The following OSBPL11 variants were observed in gnomAD, a reference collection of about 807,000 sequenced individuals.
OSBPL11 encodes oxysterol binding protein like 11, also known as oxysterol-binding protein-related protein 11.
Under a neutral mutation model 84.4 loss-of-function variants are expected in OSBPL11, and 33 were observed. The ratio of observed to expected loss-of-function variants is 0.39; its 90% CI spans 0.30 to 0.52. OSBPL11 has a LOEUF of 0.52. Among genes scored for constraint, OSBPL11 ranks in the 20% least tolerant of loss-of-function variants. The pLI, the probability that OSBPL11 is intolerant of heterozygous loss-of-function variation, is 0.72. For missense variants in OSBPL11, 736 were observed against 901.1 expected (o/e 0.82, Z 2.35); for synonymous variants, 276 against 310.2 (o/e 0.89, Z 1.16).
At chr3:125,563,662 TTTTCA>T in intron 7 of OSBPL11, 31 bp downstream of exon 7, 1 of 1,608,112 alleles carries the variant, frequency 6.2e-7, no homozygotes, top group Non-Finnish European at 8.5e-7. Context: ...GATACCTAAT[TTTTCA>T]CATCAAAATC....
chr3:125,576,685 T>C (rs1048245506), intron 4 of OSBPL11, among the ~76,000 whole-genome samples: 1 of 152,128 alleles, frequency 6.6e-6, no homozygotes, highest in Non-Finnish European at 1.5e-5. Context: ...CCATGAATTT[T>C]TTTTTTTTTT....
At chr3:125,549,872 T>G (rs532911485) in intron 9 of OSBPL11, among the ~76,000 whole-genome samples, 1 of 152,186 alleles carries the variant, frequency 6.6e-6, no homozygotes, top group Non-Finnish European at 1.5e-5. Flanking sequence ...ACTGATAAGA[T>G]TAACTGTCCT....
In OSBPL11 at chr3:125,576,172, C is replaced by T. The variant is rs1220811431; in HGVS notation, c.666+17G>A. The T allele has an allele frequency of 1.3e-6, 2 of 1,589,876 alleles. No homozygotes were observed. Among genetic ancestry groups the T allele is most frequent in the African/African-American group, 1.4e-5 (1 of 72,968 alleles). On this transcript the variant is annotated intron_variant, in intron 5 of 12. Coordinates refer to ENST00000296220, the MANE Select transcript of OSBPL11 (RefSeq NM_022776.5). The stretch of plus-strand genomic sequence containing the variant: ...AATCATTTTGTGCATTTTAACTTGA[C>T]TTTAATTCATACTTACTTCTCTGAC...
intron 4 of OSBPL11, among the ~76,000 whole-genome samples, chr3:125,577,789 A>G (rs1936348907): frequency 6.6e-6 from 1 of 152,070 alleles, no homozygotes; most frequent in African/African-American, 2.4e-5. Flanking sequence ...ATATCGTGCC[A>G]CTGCACTCCA....
chr3:125,561,063 T>TG (rs1197188873), intron 7 of OSBPL11, among the ~76,000 whole-genome samples: 1 of 152,102 alleles, frequency 6.6e-6, no homozygotes, highest in Non-Finnish European at 1.5e-5. Context: ...AGTGCAGTGG[T>TG]GTTAGCTCAC....
Position 125,563,656 on chromosome 3 carries a change from C to T in OSBPL11, c.1014+42G>A, listed in dbSNP as rs757044836. On this transcript the variant is annotated intron_variant, in intron 7 of 12. Transcript: ENST00000296220. ...GAAAACTGACCCTTTTTCAGTGATA[C>T]CTAATTTTTCACATCAAAATCATAT... 8 of 1,602,864 alleles carry T rather than the reference C, an allele frequency of 5.0e-6. No individual in the cohort carries two copies. The South Asian group carries it at 7.8e-5, about 16-fold the overall frequency.
intron 1 of OSBPL11, among the ~76,000 whole-genome samples, chr3:125,588,367 G>T (rs903551672): frequency 6.6e-6 from 1 of 152,176 alleles, no homozygotes; most frequent in African/African-American, 2.4e-5. Flanking sequence ...AACATCAGAG[G>T]TTGACGATAA....
Position 125,531,951 on chromosome 3 carries a change from A to C in OSBPL11, c.2088T>G (p.His696Gln). 6.2e-7 allele frequency: 1 copy of C among 1,614,122 alleles called. No homozygotes were observed. Among genetic ancestry groups the C allele is most frequent in the Middle Eastern group, 1.6e-4 (1 of 6,062 alleles). ...TCTGACGTTCTTCCAGGGTATGCTT[A>C]TGCTCTGTGGCCTTATCAATTTCAG... ...RESEIDKATE[H>Q]KHTLEERQRT... The change falls in exon 12 of 13, where the codon CAT becomes CAG. Residue 696 changes from histidine to glutamine, a missense_variant. Transcript: ENST00000296220.
chr3:125,531,839 C>G (rs370617680), intron 12 of OSBPL11, 22 bp downstream of exon 12: 5 of 1,584,490 alleles, frequency 3.2e-6, no homozygotes, highest in Non-Finnish European at 4.3e-6. Flanking sequence ...ACATTTTTAT[C>G]TTGAACACAT....
chr3:125,550,405 AC>A (rs1935884867), intron 9 of OSBPL11, among the ~76,000 whole-genome samples: 2 of 129,936 alleles, frequency 1.5e-5, no homozygotes, highest in African/African-American at 6.0e-5. Flanking sequence ...ACACACACAC[AC>A]AACAAACAAA....
At position 125,547,455 on chromosome 3, in the gene OSBPL11, C is replaced by A; in HGVS notation, c.1792G>T (p.Ala598Ser). The change falls in exon 10 of 13, where the codon GCC (alanine) becomes TCC (serine). Residue 598 changes from alanine (A) to serine (S), a missense_variant. Around this residue, in one of 3 missense-constraint regions of OSBPL11, gnomAD observed 579 missense variants for 717.6 expected, o/e 0.81. Transcript: ENST00000296220. ...GGCTTGGTATGAAAAGTGATGCTGG[C>A]TGAATATCCAGTTTTTGCACAGTTG... ...SVNCAKTGYS[A>S]SITFHTKPFY... The A allele has an allele frequency of 6.2e-7, 1 of 1,614,092 alleles. No homozygotes were observed. Among genetic ancestry groups the A allele is most frequent in the Non-Finnish European group, 8.5e-7 (1 of 1,180,014 alleles).
chr3:125,553,053 A>C (rs893249220), intron 8 of OSBPL11, among the ~76,000 whole-genome samples: 1 of 152,198 alleles, frequency 6.6e-6, no homozygotes, highest in Admixed American at 6.5e-5. Context: ...TCAAGGCTAC[A>C]ATGAGCCATG....
At chr3:125,567,309 T>A in intron 6 of OSBPL11, 85 bp downstream of exon 6, 1 of 1,217,444 alleles carries the variant, frequency 8.2e-7, no homozygotes, top group Non-Finnish European at 1.2e-6. Context: ...AAGTTAAGAT[T>A]TTCTGAAATT....
rs561150492 is a variant in OSBPL11 at position 125,546,693 on chromosome 3, C to A, written c.1841+713G>T. ...ATCACTTAAGGCCAGGAGTTTGAGA[C>A]CAGCCTGGCCAACATGGTGAAAGCC... On this transcript the variant is annotated intron_variant, in intron 10 of 12. Transcript: ENST00000296220. 6.6e-5 allele frequency among the ~76,000 whole-genome samples: 10 copies of A among 152,124 alleles called. No homozygotes were observed. In the East Asian group the frequency reaches 1.4e-3, roughly 21 times the overall value.
At chr3:125,552,786 C>T in intron 8 of OSBPL11, 107 bp from the exon 9 acceptor site, 5 of 1,275,942 alleles carry the variant, frequency 3.9e-6, no homozygotes, top group Non-Finnish European at 5.4e-6. Context: ...GTATTAAAAA[C>T]AAAGTCACAA....
chr3:125,574,389 A>C (rs1936288669), intron 5 of OSBPL11, among the ~76,000 whole-genome samples: 2 of 152,156 alleles, frequency 1.3e-5, no homozygotes, highest in Admixed American at 1.3e-4. Context: ...AAAAGTGGGA[A>C]GTACATATAA....
rs370068426 is a variant in OSBPL11 at position 125,594,742 on chromosome 3, T to G, written c.59A>C (p.Glu20Ala). The part of the protein sequence containing the change: ...MKVSESEGKL[E>A]GQATAVTPNK... ...CGGGGTCACCGCTGTGGCCTGGCCC[T>G]CCAGCTTTCCTTCGCTCTCCGAGAC... is the stretch of plus-strand genomic sequence containing the variant. Residue 20 changes from glutamate (E) to alanine (A), a missense_variant, in exon 1 of 13, where the codon GAG (glutamate) becomes GCG (alanine). Transcript: ENST00000296220. 26 of 1,614,100 alleles carry G rather than the reference T, an allele frequency of 1.6e-5. No individual in the cohort carries two copies. In the African/African-American group the frequency reaches 3.2e-4, roughly 20 times the overall value.
rs181983418 is a variant in OSBPL11, at chr3:125,589,097, C to T, written c.164+5540G>A. ...GGTGCGGTGGCTCACGCCTGTAATC[C>T]CAGTACTTTAAGAGGCCTAGGCAGG... is the stretch of plus-strand genomic sequence containing the variant. On this transcript the variant is annotated intron_variant, in intron 1 of 12. Transcript: ENST00000296220. 1.4e-3 allele frequency among the ~76,000 whole-genome samples: 217 copies of T among 151,986 alleles called. 2 individuals are homozygous for T. The highest frequency in any genetic ancestry group is 5.0e-3 in the African/African-American group (206 of 41,462).
chr3:125,561,696 T>C (rs1464677411), intron 7 of OSBPL11, among the ~76,000 whole-genome samples: 1 of 152,232 alleles, frequency 6.6e-6, no homozygotes, highest in Admixed American at 6.5e-5. Flanking sequence ...TTTATGTTAT[T>C]TGGAGGCACA....
Sources: allele counts gnomAD v4.1 joint callset (sites outside exome capture counted in the v4.1 genomes callset), GRCh38; gene constraint gnomAD v4.1.1; regional missense constraint gnomAD v4.1.1; transcripts MANE v1.5; gene names NCBI Gene and HGNC (gene_info 2026-07-23, HGNC 2026-07-21).